FILIP1L: variants seen among roughly 807,000 people sequenced by gnomAD.
FILIP1L encodes filamin A-interacting protein 1-like.
In FILIP1L, 55 loss-of-function variants were observed where a neutral mutation model predicts 96.6. The ratio of observed to expected loss-of-function variants is 0.57; its 90% CI spans 0.46 to 0.71. FILIP1L has a LOEUF of 0.71. FILIP1L is among the 30% of genes least tolerant of loss of function. The pLI, the probability that FILIP1L is intolerant of heterozygous loss-of-function variation, is 0.00. For missense variants in FILIP1L, 1,304 were observed against 1,321.2 expected (o/e 0.99, Z 0.20); for synonymous variants, 467 against 473.9 (o/e 0.99, Z 0.19).
chr3:99,873,442 AG>A (rs1705340123), intron 4 of FILIP1L, among the ~76,000 whole-genome samples: 2 of 152,298 alleles, frequency 1.3e-5, no homozygotes, highest in African/African-American at 4.8e-5. Flanking sequence ...CACAATATCC[AG>A]TCTTTTATAA....
At chr3:99,988,602 T>A (rs2107123170) in intron 1 of FILIP1L, among the ~76,000 whole-genome samples, 1 of 152,180 alleles carries the variant, frequency 6.6e-6, no homozygotes, top group Non-Finnish European at 1.5e-5. Context: ...TAAGAAAAAC[T>A]TTGTTTTAAA....
rs750574866 is a variant in FILIP1L, at chr3:99,860,359, A to G, written c.606-9289T>C. On this transcript the variant is annotated intron_variant, in intron 4 of 5. Coordinates refer to ENST00000477258, the MANE Select transcript of FILIP1L (RefSeq NM_001387850.1). ...TAAGATGGAAATAGTCAAATGACCCATTAATTATAAGGAGCTTGGTAGCTT... is the reference window on the plus strand; with the variant it reads ...TAAGATGGAAATAGTCAAATGACCCGTTAATTATAAGGAGCTTGGTAGCTT... Among the ~76,000 whole-genome samples the G allele has an allele frequency of 7.2e-5, 11 of 152,324 alleles. No individual in the cohort carries two copies. The East Asian group carries it at 9.6e-4, about 13-fold the overall frequency.
intron 1 of FILIP1L, among the ~76,000 whole-genome samples, chr3:99,990,171 CA>C (rs1400431345): frequency 2.0e-5 from 3 of 152,060 alleles, no homozygotes; most frequent in African/African-American, 7.2e-5. Flanking sequence ...AAATAATGAA[CA>C]AAACAGAAAG....
chr3:100,019,887 G>T (rs1190202081), intron 1 of FILIP1L, among the ~76,000 whole-genome samples: 1 of 152,088 alleles, frequency 6.6e-6, no homozygotes, highest in Non-Finnish European at 1.5e-5. Context: ...AAGCTACAGT[G>T]ACTCTTTTTT....
At chr3:99,983,666 G>C (rs1268686766) in intron 1 of FILIP1L, among the ~76,000 whole-genome samples, 1 of 147,380 alleles carries the variant, frequency 6.8e-6, no homozygotes, top group Admixed American at 6.8e-5. Context: ...CTCCAGCCTG[G>C]GTGACTGAGC....
chr3:99,859,164 A>T (rs1944117279), intron 4 of FILIP1L, among the ~76,000 whole-genome samples: 1 of 152,258 alleles, frequency 6.6e-6, no homozygotes, highest in Non-Finnish European at 1.5e-5. Context: ...AAATGGGTCC[A>T]TCCATAGTGC....
chr3:99,883,339 G>T (rs1705790729), intron 4 of FILIP1L, among the ~76,000 whole-genome samples: 1 of 152,112 alleles, frequency 6.6e-6, no homozygotes, highest in South Asian at 2.1e-4. Flanking sequence ...TGACATAAAA[G>T]TCTTTTAAAT....
At chr3:99,990,984 A>T (rs1242145646) in intron 1 of FILIP1L, among the ~76,000 whole-genome samples, 2 of 152,178 alleles carry the variant, frequency 1.3e-5, no homozygotes, top group East Asian at 3.8e-4. Flanking sequence ...TTGGGAATTA[A>T]ATAAAAATAC....
chr3:99,921,983 C>T (rs1450632928), intron 4 of FILIP1L, among the ~76,000 whole-genome samples: 1 of 152,170 alleles, frequency 6.6e-6, no homozygotes, highest in Non-Finnish European at 1.5e-5. Flanking sequence ...TAGCCCTCTC[C>T]AGCCTTCCTC....
intron 4 of FILIP1L, among the ~76,000 whole-genome samples, chr3:99,895,799 T>A (rs1464012321): frequency 6.6e-6 from 1 of 152,208 alleles, no homozygotes; most frequent in Non-Finnish European, 1.5e-5. Flanking sequence ...CCTAGCAGCC[T>A]TCACCCATAG....
intron 1 of FILIP1L, among the ~76,000 whole-genome samples, chr3:100,108,003 G>T (rs1427613524): frequency 6.6e-6 from 1 of 151,964 alleles, no homozygotes; most frequent in Non-Finnish European, 1.5e-5. Context: ...CAATTTTCTG[G>T]GATTTTTCTT....
chr3:99,971,532 G>A (rs888586738), intron 1 of FILIP1L, among the ~76,000 whole-genome samples: 1 of 152,202 alleles, frequency 6.6e-6, no homozygotes, highest in Non-Finnish European at 1.5e-5. Flanking sequence ...ATGAAAATAT[G>A]TTAGTATTGC....
intron 1 of FILIP1L, among the ~76,000 whole-genome samples, chr3:99,998,401 A>C (rs1576630429): frequency 6.6e-6 from 1 of 152,320 alleles, no homozygotes; most frequent in East Asian, 1.9e-4. Context: ...TTTGTATACC[A>C]ACACATTCTT....
intron 1 of FILIP1L, among the ~76,000 whole-genome samples, chr3:100,102,059 T>G (rs1027453537): frequency 6.6e-6 from 1 of 152,228 alleles, no homozygotes; most frequent in Non-Finnish European, 1.5e-5. Context: ...TTTGCTATTG[T>G]GAATAGTGCC....
chr3:99,939,625 T>C (rs1049960736), intron 1 of FILIP1L, among the ~76,000 whole-genome samples: 1 of 152,180 alleles, frequency 6.6e-6, no homozygotes, highest in African/African-American at 2.4e-5. Flanking sequence ...CTTAGCAGCT[T>C]TTCTGATAGT....
At chr3:99,900,702 C>T (rs183239946) in intron 4 of FILIP1L, among the ~76,000 whole-genome samples, 31 of 152,338 alleles carry the variant, frequency 2.0e-4, no homozygotes, top group African/African-American at 3.6e-4. Context: ...TTCTTTTCCA[C>T]GCAAGTCTTA....
chr3:100,002,418 C>G (rs894051224), intron 1 of FILIP1L, among the ~76,000 whole-genome samples: 7 of 152,278 alleles, frequency 4.6e-5, no homozygotes, highest in African/African-American at 1.7e-4. Flanking sequence ...TCTATAATCT[C>G]AGGAGTGAAT....
chr3:99,836,910 G>T (rs1942922723), intron 5 of FILIP1L, among the ~76,000 whole-genome samples: 1 of 152,222 alleles, frequency 6.6e-6, no homozygotes, highest in African/African-American at 2.4e-5. Context: ...GTGGCACAGA[G>T]CCATGCAGTA....
chr3:99,840,943 C>G (rs928223773), intron 5 of FILIP1L, among the ~76,000 whole-genome samples: 2 of 152,200 alleles, frequency 1.3e-5, no homozygotes, highest in African/African-American at 4.8e-5. Flanking sequence ...TAGAGATTGA[C>G]AGTTTCCCAC....
Sources: allele counts gnomAD v4.1 joint callset (sites outside exome capture counted in the v4.1 genomes callset), GRCh38; gene constraint gnomAD v4.1.1; transcripts MANE v1.5; gene names NCBI Gene and HGNC (gene_info 2026-07-23, HGNC 2026-07-21).